Variants in SCAND1 observed in about 807,000 individuals in gnomAD.
SCAND1 encodes the protein SCAN domain containing 1.
SCAND1 carries 3 observed loss-of-function variants against 3.4 expected under a neutral mutation model. That is an observed-to-expected ratio of 0.87 (90% confidence interval 0.40 to 2.25). SCAND1 has a LOEUF of 2.25. Ranked by LOEUF, SCAND1 falls within the 30% of genes most tolerant of loss-of-function variation. The pLI, the probability that SCAND1 is intolerant of heterozygous loss-of-function variation, is 0.05. For missense variants in SCAND1, 303 were observed against 258.8 expected, an observed-to-expected ratio of 1.17 and a Z score of -1.17; for synonymous variants, 152 against 120.5, an observed-to-expected ratio of 1.26 and a Z score of -1.72.
At position 35,954,095 on chromosome 20, in the gene SCAND1, G is replaced by C. The variant is rs770694991; in HGVS notation, c.190C>G (p.Pro64Ala). ...AGGGCCGCGGAGGCCGCAGCTCGGG[G>C]CGTAGGGATGGCTTCAGGGACCGCG... ...NAAVPEAIPT[P>A]RAAASAALEL... is the part of the protein sequence containing the mutation. Residue 64 changes from proline to alanine, a missense_variant, in exon 2 of 2, where the codon CCC becomes GCC. Coordinates refer to ENST00000305978, the MANE Select transcript of SCAND1 (RefSeq NM_033630.3). 6.5e-7 allele frequency: 1 copy of C among 1,538,616 alleles called. No homozygotes were observed. The highest frequency in any genetic ancestry group is 2.5e-5 in the East Asian group (1 of 40,596).
rs567963384 is a variant in SCAND1, at chr20:35,954,403, T to G, written c.-56+45A>C. 20 of 1,557,076 alleles carry G rather than the reference T, an allele frequency of 1.3e-5. No individual in the cohort carries two copies. The East Asian group carries it at 4.4e-4, about 34-fold the overall frequency. ...TAAAGGGCAGAGCTCGCGTCACCCTTGAGGGAGTCGGACTCGGGACCGGCC... is the reference window on the plus strand; with the variant it reads ...TAAAGGGCAGAGCTCGCGTCACCCTGGAGGGAGTCGGACTCGGGACCGGCC... On this transcript the variant is annotated intron_variant, in intron 1 of 1. Transcript: ENST00000305978.
At position 35,953,647 on chromosome 20, in the gene SCAND1, A is replaced by G. The variant is rs1360614270; in HGVS notation, c.*98T>C. On this transcript the variant is annotated 3_prime_UTR_variant, in exon 2 of 2. Coordinates refer to ENST00000305978, the MANE Select transcript of SCAND1 (RefSeq NM_033630.3). Reference sequence around the variant, plus strand: ...CAGGCGCTGCCAAAACTCATTTTTCATTAACACGGGGTGGGGTCCCAGGCT... The same window carrying G: ...CAGGCGCTGCCAAAACTCATTTTTCGTTAACACGGGGTGGGGTCCCAGGCT... The G allele has an allele frequency of 8.3e-6, 6 of 724,878 alleles. No homozygotes were observed. The highest frequency in any genetic ancestry group is 1.2e-5 in the Non-Finnish European group (6 of 492,604). The allele number at this position is 724,878 out of a possible 1,614,324, so 44.9% of individuals were successfully genotyped here. A position where few individuals can be genotyped will look rare whatever the true frequency, so the allele number is the denominator to read the frequency against.
At chr20:35,955,203 G>A (rs11699815), upstream of SCAND1, 15,467 of 159,634 alleles carry the variant, frequency 0.097, 800 homozygotes, top group South Asian at 0.15. Context: ...GTAGCTAGTT[G>A]ATAACCCTCG....
upstream of SCAND1, chr20:35,959,079 G>A (rs1358572199): frequency 6.6e-6 from 1 of 152,190 alleles, no homozygotes; most frequent in Non-Finnish European, 1.5e-5. Flanking sequence ...ACTGCTATGA[G>A]TTATTTTATG....
chr20:35,955,425 T>A (rs2056245431), upstream of SCAND1: 1 of 152,238 alleles, frequency 6.6e-6, no homozygotes, highest in South Asian at 2.1e-4. Context: ...GCATGTGCAG[T>A]TTACATTATA....
In SCAND1 at chr20:35,954,114, G is replaced by T; in HGVS notation, c.171C>A (p.Val57=). The T allele has an allele frequency of 6.5e-7, 1 of 1,544,760 alleles. No homozygotes were observed. Among genetic ancestry groups the T allele is most frequent in the Non-Finnish European group, 8.8e-7 (1 of 1,142,310 alleles). The change falls in exon 2 of 2, where the codon GTC becomes GTA. Residue 57 remains valine (V), a synonymous_variant. Coordinates refer to ENST00000305978, the MANE Select transcript of SCAND1 (RefSeq NM_033630.3). ...APEPSSPNAA[V]PEAIPTPRAA... is the part of the protein sequence containing the mutation. ...CTCGGGGCGTAGGGATGGCTTCAGGGACCGCGGCGTTGGGACTGGAAGGCT... is the reference window on the plus strand; with the variant it reads ...CTCGGGGCGTAGGGATGGCTTCAGGTACCGCGGCGTTGGGACTGGAAGGCT...
chr20:35,957,744 G>A (rs569024028), upstream of SCAND1: 6 of 152,338 alleles, frequency 3.9e-5, no homozygotes, highest in East Asian at 9.6e-4. Flanking sequence ...GATGTCAGAA[G>A]ATGAAGGATT....
upstream of SCAND1, chr20:35,954,536 T>C (rs2056228782): frequency 2.6e-6 from 4 of 1,510,218 alleles, no homozygotes; most frequent in Non-Finnish European, 1.8e-6. Flanking sequence ...CGGAAGCCGC[T>C]TGCGGGCTCC....
chr20:35,958,634 A>G (rs1204730175), upstream of SCAND1, among the ~76,000 whole-genome samples: 1 of 152,064 alleles, frequency 6.6e-6, no homozygotes, highest in African/African-American at 2.4e-5. Context: ...TTTTACATAC[A>G]TGCATTTGTG....
At position 35,953,996 on chromosome 20, in the gene SCAND1, G is replaced by A; in HGVS notation, c.289C>T (p.Pro97Ser). The change falls in exon 2 of 2, where the codon CCC becomes TCC. Residue 97 changes from proline to serine, a missense_variant. Pro to Ser is a moderately conservative substitution (Grantham distance 74, BLOSUM62 -1). Transcript: ENST00000305978. ...AEAEARSTPGPAGSRLGPETF... is the reference protein window; with the variant it reads ...AEAEARSTPGSAGSRLGPETF... ...TCGGGACCGAGTCTAGAGCCGGCGG[G>A]GCCTGGTGTGGAGCGCGCTTCAGCT... 1.3e-6 allele frequency: 2 copies of A among 1,549,884 alleles called. No homozygotes were observed. Among genetic ancestry groups the A allele is most frequent in the East Asian group, 4.9e-5 (2 of 41,024 alleles).
At position 35,953,682 on chromosome 20, in the gene SCAND1, G is replaced by A; in HGVS notation, c.*63C>T. The A allele has an allele frequency of 8.8e-7, 1 of 1,140,758 alleles. No homozygotes were observed. The highest frequency in any genetic ancestry group is 1.2e-6 in the Non-Finnish European group (1 of 863,920). The allele number at this position is 1,140,758 out of a possible 1,614,324, so 70.7% of individuals were successfully genotyped here. On this transcript the variant is annotated 3_prime_UTR_variant, in exon 2 of 2. Coordinates refer to ENST00000305978, the MANE Select transcript of SCAND1 (RefSeq NM_033630.3). ...GGTGGGGTCCCAGGCTCAGGCCCCC[G>A]GGCCCGATCATGGCCCCAGTCCGCA...
At chr20:35,956,274 G>A (rs546929903), upstream of SCAND1, among the ~76,000 whole-genome samples, 3 of 152,308 alleles carry the variant, frequency 2.0e-5, no homozygotes, top group Non-Finnish European at 4.4e-5. Flanking sequence ...CTTGAAAGTC[G>A]TTGCAGTGGG....
upstream of SCAND1, chr20:35,954,591 G>T: frequency 1.5e-5 from 21 of 1,415,690 alleles, no homozygotes; most frequent in Non-Finnish European, 2.0e-5. Context: ...TGAGGCGGCT[G>T]CTGCCCTCGC....
At position 35,954,311 on chromosome 20, in the gene SCAND1, G is replaced by T. The variant is rs774778814; in HGVS notation, c.-27C>A. 6.8e-6 allele frequency: 11 copies of T among 1,613,188 alleles called. No homozygotes were observed. The highest frequency in any genetic ancestry group is 8.5e-6 in the Non-Finnish European group (10 of 1,179,824). ...ACTCCAGCTCCGGGCGTCACTCTTT[G>T]TCCGGTAGCTGTGTGCTCAGCACTG... On this transcript the variant is annotated 5_prime_UTR_variant, in exon 2 of 2. Coordinates refer to ENST00000305978, the MANE Select transcript of SCAND1 (RefSeq NM_033630.3).
At chr20:35,956,167 C>T (rs1175962142), upstream of SCAND1, among the ~76,000 whole-genome samples, 1 of 152,204 alleles carries the variant, frequency 6.6e-6, no homozygotes, top group Non-Finnish European at 1.5e-5. Flanking sequence ...CATTAACATG[C>T]CATTAGCCCT....
rs540385747 is a variant in SCAND1 at position 35,954,057 on chromosome 20, G to C, written c.228C>G (p.Leu76=). The C allele has an allele frequency of 4.3e-5, 66 of 1,540,328 alleles. No individual in the cohort carries two copies. Among genetic ancestry groups the C allele is most frequent in the Non-Finnish European group, 5.5e-5 (63 of 1,141,514 alleles). The change falls in exon 2 of 2, where the codon CTC becomes CTG. Residue 76 remains leucine, a synonymous_variant. Transcript: ENST00000305978. ...AAASAALELP[L]GPAPVSVAPQ... is the part of the protein sequence containing the mutation. ...GCGCTACGCTCACGGGTGCGGGCCCGAGAGGCAGCTCCAGGGCCGCGGAGG... is the reference window on the plus strand; with the variant it reads ...GCGCTACGCTCACGGGTGCGGGCCCCAGAGGCAGCTCCAGGGCCGCGGAGG...
chr20:35,957,637 T>C (rs1454745227), upstream of SCAND1: 2 of 152,200 alleles, frequency 1.3e-5, no homozygotes, highest in African/African-American at 4.8e-5. Flanking sequence ...TTTCATGTAA[T>C]TTACATATAT....
upstream of SCAND1, among the ~76,000 whole-genome samples, chr20:35,955,533 A>G (rs775211915): frequency 6.6e-6 from 1 of 152,208 alleles, no homozygotes; most frequent in Non-Finnish European, 1.5e-5. Context: ...GGAGGATTAA[A>G]TAAATTAAGC....
At chr20:35,954,700 TTG>T, upstream of SCAND1, 1 of 1,090,696 alleles carries the variant, frequency 9.2e-7, no homozygotes, top group East Asian at 5.7e-5. Context: ...GCCTGAATGT[TTG>T]GAGATAGACT....
Sources: allele counts gnomAD v4.1 joint callset (sites outside exome capture counted in the v4.1 genomes callset), GRCh38; gene constraint gnomAD v4.1.1; transcripts MANE v1.5; gene names NCBI Gene and HGNC (gene_info 2026-07-23, HGNC 2026-07-21).